PRKAG2: variants seen among roughly 807,000 people sequenced by gnomAD.
PRKAG2 encodes the protein 5'-AMP-activated protein kinase subunit gamma-2.
Under a neutral mutation model 69.6 loss-of-function variants are expected in PRKAG2, and 26 were observed. That is an observed-to-expected ratio of 0.37 (90% CI 0.27 to 0.52). The LOEUF is 0.52. PRKAG2 is among the 20% of genes least tolerant of loss of function. PRKAG2 has a pLI of 0.90. For synonymous variants in PRKAG2, 293 were observed against 285.0 expected, an observed-to-expected ratio of 1.03 and a Z score of -0.28; for missense variants, 557 against 740.0, an observed-to-expected ratio of 0.75 and a Z score of 2.87.
At chr7:151,837,271 T>TA (rs1278222560) in intron 1 of PRKAG2, 1 of 152,340 alleles carries the variant, frequency 6.6e-6, no homozygotes, top group African/African-American at 2.4e-5. Context: ...ATTAAACAGA[T>TA]AAAGTTTATT....
chr7:151,763,655 G>C (rs969071765), intron 3 of PRKAG2, among the ~76,000 whole-genome samples: 1 of 152,170 alleles, frequency 6.6e-6, no homozygotes, highest in South Asian at 2.1e-4. Context: ...AGGGCTGATC[G>C]TCCCCTCTCT....
At chr7:151,617,289 A>AGGGG (rs1260718098) in intron 5 of PRKAG2, among the ~76,000 whole-genome samples, 7 of 16,330 alleles carry the variant, frequency 4.3e-4, no homozygotes, top group Non-Finnish European at 1.3e-3. Flanking sequence ...GGAAAGAGGG[A>AGGGG]GGGGGGGAGG....
At chr7:151,692,833 T>C (rs1186949883) in intron 3 of PRKAG2, among the ~76,000 whole-genome samples, 1 of 151,846 alleles carries the variant, frequency 6.6e-6, no homozygotes, top group African/African-American at 2.4e-5. Flanking sequence ...GGCCCAAAGG[T>C]CATCTCCTGA....
At chr7:151,802,756 C>A (rs184215757) in intron 1 of PRKAG2, among the ~76,000 whole-genome samples, 1 of 152,064 alleles carries the variant, frequency 6.6e-6, no homozygotes, top group Admixed American at 6.5e-5. Context: ...CCCCAGGACA[C>A]AGCCCTGGCC....
At chr7:151,854,441 GC>G (rs1361148313) in intron 1 of PRKAG2, among the ~76,000 whole-genome samples, 1 of 152,212 alleles carries the variant, frequency 6.6e-6, no homozygotes, top group African/African-American at 2.4e-5. Flanking sequence ...TCTGAGACCT[GC>G]CCCCAAGAGC....
Position 151,776,649 on chromosome 7 carries a change from A to G in PRKAG2, c.466+4503T>C, listed in dbSNP as rs563397238. 1.5e-3 allele frequency among the ~76,000 whole-genome samples: 225 copies of G among 152,308 alleles called. 2 individuals carry two copies. The Middle Eastern group carries it at 0.017, about 12-fold the overall frequency. On this transcript the variant is annotated intron_variant, in intron 3 of 15. Transcript: ENST00000287878. ...CAGCTGTCTGCACTTCTGCCATAGG[A>G]AAAAAGCAATTCACAGGCTCACTGA...
chr7:151,829,087 CAAG>C (rs894409885), intron 1 of PRKAG2, among the ~76,000 whole-genome samples: 21 of 152,304 alleles, frequency 1.4e-4, no homozygotes, highest in African/African-American at 4.8e-4. Flanking sequence ...AGCACACCAT[CAAG>C]AAGATGGAAA....
At chr7:151,744,981 G>A (rs968103478) in intron 3 of PRKAG2, among the ~76,000 whole-genome samples, 1 of 152,202 alleles carries the variant, frequency 6.6e-6, no homozygotes, top group Non-Finnish European at 1.5e-5. Flanking sequence ...AAACCCAGAA[G>A]TTCAGAGGTG....
At chr7:151,707,501 G>A (rs1048486582) in intron 3 of PRKAG2, among the ~76,000 whole-genome samples, 13 of 152,082 alleles carry the variant, frequency 8.5e-5, no homozygotes, top group African/African-American at 2.7e-4. Context: ...CCCAAACCTC[G>A]GGAGGGTCAC....
chr7:151,847,893 C>G (rs2079472454), intron 1 of PRKAG2, among the ~76,000 whole-genome samples: 1 of 152,240 alleles, frequency 6.6e-6, no homozygotes, highest in African/African-American at 2.4e-5. Context: ...GGGTGTCTTT[C>G]CCCAGCTCCA....
chr7:151,675,653 C>T lies in PRKAG2; in HGVS notation c.467-16G>A. 3 of 1,600,176 alleles carry T rather than the reference C, an allele frequency of 1.9e-6. No individual in the cohort carries two copies. Among genetic ancestry groups the T allele is most frequent in the Non-Finnish European group, 1.7e-6 (2 of 1,167,566 alleles). On this transcript the variant is annotated splice_polypyrimidine_tract_variant and intron_variant, in intron 3 of 15. Transcript: ENST00000287878. ...AGGCCGGAGGCTGCAGAAGAAACAC[C>T]AAGGACGGTCAGAGGTCCGGCTTCC...
chr7:151,617,480 T>C (rs868689290), intron 5 of PRKAG2, among the ~76,000 whole-genome samples: 1 of 152,166 alleles, frequency 6.6e-6, no homozygotes, highest in African/African-American at 2.4e-5. Context: ...ATTGAACCAT[T>C]CTCTCTACCA....
chr7:151,832,595 T>TAG (rs10655534), intron 1 of PRKAG2, among the ~76,000 whole-genome samples: 1 of 141,708 alleles, frequency 7.1e-6, no homozygotes, highest in Non-Finnish European at 1.5e-5. Context: ...GAGGCATCTC[T>TAG]GGGGGGGGGG....
At chr7:151,776,372 C>T (rs1041209031) in intron 3 of PRKAG2, among the ~76,000 whole-genome samples, 2 of 152,170 alleles carry the variant, frequency 1.3e-5, no homozygotes, top group Admixed American at 6.5e-5. Context: ...CTGCCTTCTC[C>T]ATAGTACCTG....
chr7:151,630,217 A>T (rs1354095135), intron 5 of PRKAG2, among the ~76,000 whole-genome samples: 9 of 152,164 alleles, frequency 5.9e-5, no homozygotes, highest in Non-Finnish European at 1.0e-4. Context: ...TTACATTGGC[A>T]GACACAATGA....
chr7:151,812,484 C>T (rs72617365), intron 1 of PRKAG2, among the ~76,000 whole-genome samples: 7,588 of 152,288 alleles, frequency 0.05, 876 homozygotes, highest in East Asian at 0.5. Flanking sequence ...AATTAGAAGC[C>T]GCAGTTCCAG....
At chr7:151,833,442 A>G (rs1203997566) in intron 1 of PRKAG2, among the ~76,000 whole-genome samples, 2 of 152,130 alleles carry the variant, frequency 1.3e-5, no homozygotes, top group Non-Finnish European at 2.9e-5. Flanking sequence ...GAGAGGGTGG[A>G]AGCGGCAGGG....
At chr7:151,839,284 A>G (rs2079220849) in intron 1 of PRKAG2, among the ~76,000 whole-genome samples, 1 of 152,206 alleles carries the variant, frequency 6.6e-6, no homozygotes. Flanking sequence ...AGGAAAGTAG[A>G]AGGAGGAAGT....
intron 1 of PRKAG2, among the ~76,000 whole-genome samples, chr7:151,800,257 C>G (rs1364154543): frequency 6.6e-6 from 1 of 151,212 alleles, no homozygotes; most frequent in Non-Finnish European, 1.5e-5. Flanking sequence ...ACTCGGGAGG[C>G]TGAGGCAGGA....
Sources: gnomAD v4.1 joint callset for allele counts (sites outside exome capture counted in the v4.1 genomes callset) on GRCh38, gnomAD v4.1.1 for gene constraint, MANE v1.5 for transcripts, NCBI Gene and HGNC (gene_info 2026-07-23, HGNC 2026-07-21) for gene names.